Variants in CEP112 observed in about 807,000 individuals in gnomAD.
CEP112 encodes the protein centrosomal protein of 112 kDa.
Under a neutral mutation model 153.0 loss-of-function variants are expected in CEP112, and 127 were observed. That is an observed-to-expected ratio of 0.83 (90% CI 0.72 to 0.96). CEP112 has a LOEUF of 0.96. Among genes scored for constraint, CEP112 ranks in the 40% least tolerant of loss-of-function variants. The probability of loss-of-function intolerance (pLI) is 0.00; values close to 1 mark genes in which losing one functional copy is unlikely to be tolerated. For synonymous variants in CEP112, 358 were observed against 374.4 expected, an observed-to-expected ratio of 0.96 and a Z score of 0.51; for missense variants, 1,089 against 1,101.2, an observed-to-expected ratio of 0.99 and a Z score of 0.16.
chr17:65,987,057 AG>A (rs2063435246), intron 17 of CEP112, among the ~76,000 whole-genome samples: 2 of 152,208 alleles, frequency 1.3e-5, no homozygotes, highest in Admixed American at 1.3e-4. Flanking sequence ...TTGTAGAACC[AG>A]GGGAAAAGAA....
In CEP112 at chr17:65,834,570, CAT is replaced by C. The variant is rs754591041; in HGVS notation, c.2394+17232_2394+17233del. ...CAGACACTTCTTAAAAGAAGACACA[CAT>C]GTGGCAACAAGCATATGAAAAAAAG... is the stretch of plus-strand genomic sequence containing the variant. On this transcript the variant is annotated intron_variant, in intron 21 of 26. Transcript: ENST00000535342. Among the ~76,000 whole-genome samples, 7 of 152,192 alleles carry C rather than the reference CAT, an allele frequency of 4.6e-5. No individual in the cohort carries two copies. The East Asian group carries it at 5.8e-4, about 13-fold the overall frequency.
chr17:65,841,899 TACACACATAC>T (rs2057532874), intron 21 of CEP112, among the ~76,000 whole-genome samples: 1 of 129,504 alleles, frequency 7.7e-6, no homozygotes, highest in South Asian at 2.2e-4. Context: ...TGTGTGTGTG[TACACACATAC>T]ACACACACAC....
At chr17:65,861,224 T>C (rs1360079023) in intron 20 of CEP112, among the ~76,000 whole-genome samples, 3 of 152,174 alleles carry the variant, frequency 2.0e-5, no homozygotes, top group Non-Finnish European at 4.4e-5. Flanking sequence ...ACAGTGTAAA[T>C]AGGTGAATTG....
At chr17:66,177,125 C>G in intron 2 of CEP112, 105 bp from the exon 3 acceptor site, 1 of 892,644 alleles carries the variant, frequency 1.1e-6, no homozygotes, top group East Asian at 2.7e-5. Flanking sequence ...GAAGGACCAA[C>G]AAACCTTTTC....
At chr17:66,083,957 T>G (rs1008531782) in intron 8 of CEP112, among the ~76,000 whole-genome samples, 15 of 152,242 alleles carry the variant, frequency 9.9e-5, no homozygotes, top group African/African-American at 3.6e-4. Context: ...AAAATAAAAT[T>G]TTTAAATAGA....
At chr17:65,970,187 G>T (rs78429674) in intron 17 of CEP112, among the ~76,000 whole-genome samples, 7,717 of 135,516 alleles carry the variant, frequency 0.057, 226 homozygotes, top group South Asian at 0.12. Flanking sequence ...TGTATTACAT[G>T]CATATATGCT....
intron 21 of CEP112, among the ~76,000 whole-genome samples, chr17:65,850,731 T>C (rs1472825232): frequency 6.6e-6 from 1 of 152,170 alleles, no homozygotes; most frequent in Admixed American, 6.5e-5. Flanking sequence ...TACTCAGACC[T>C]ACGTGACCTG....
intron 21 of CEP112, among the ~76,000 whole-genome samples, chr17:65,800,381 A>G (rs1568032666): frequency 6.6e-6 from 1 of 151,970 alleles, no homozygotes; most frequent in East Asian, 1.9e-4. Context: ...TTGTGTCCAG[A>G]TTTTTTTTAT....
chr17:66,032,861 T>C (rs1351951446), intron 12 of CEP112, among the ~76,000 whole-genome samples: 2 of 152,160 alleles, frequency 1.3e-5, no homozygotes, highest in Non-Finnish European at 2.9e-5. Context: ...CAAATATAAT[T>C]ACAGGAATAG....
chr17:65,784,096 T>C lies in CEP112; in HGVS notation c.2395-33372A>G, dbSNP rs189260899. 3.8e-3 allele frequency among the ~76,000 whole-genome samples: 580 copies of C among 152,318 alleles called. 2 individuals carry two copies. The highest frequency in any genetic ancestry group is 0.012 in the Admixed American group (177 of 15,296). On this transcript the variant is annotated intron_variant, in intron 21 of 26. Transcript: ENST00000535342. Reference sequence around the variant, plus strand: ...AGAGAGTAGTGAGTCAGCACTGGAATGAAGACAAACACTAGGTTCTTTATG... The same window carrying C: ...AGAGAGTAGTGAGTCAGCACTGGAACGAAGACAAACACTAGGTTCTTTATG...
intron 20 of CEP112, among the ~76,000 whole-genome samples, chr17:65,853,672 G>A (rs901245063): frequency 2.0e-5 from 3 of 150,890 alleles, no homozygotes; most frequent in Non-Finnish European, 4.4e-5. Flanking sequence ...AGGTTGCAGT[G>A]AGCTGAAATT....
intron 16 of CEP112, among the ~76,000 whole-genome samples, chr17:66,008,362 A>AC (rs2064363835): frequency 6.6e-6 from 1 of 151,964 alleles, no homozygotes; most frequent in Non-Finnish European, 1.5e-5. Flanking sequence ...CCTGTCTAAA[A>AC]CTTTTATTTT....
At position 65,799,319 on chromosome 17, in the gene CEP112, T is replaced by C. The variant is rs2055122686; in HGVS notation, c.2395-48595A>G. On this transcript the variant is annotated intron_variant, in intron 21 of 26. Transcript: ENST00000535342. Reference sequence around the variant, plus strand: ...CAATGCTGGGATACGGAGCTGGGAATGTAAGCTGGCACCGGATCCTCTACC... The same window carrying C: ...CAATGCTGGGATACGGAGCTGGGAACGTAAGCTGGCACCGGATCCTCTACC... 2.0e-5 allele frequency among the ~76,000 whole-genome samples: 3 copies of C among 152,188 alleles called. No homozygotes were observed. In the South Asian group the frequency reaches 6.2e-4, roughly 32 times the overall value.
intron 8 of CEP112, among the ~76,000 whole-genome samples, chr17:66,083,972 AAAG>A (rs1260438958): frequency 6.6e-6 from 1 of 152,214 alleles, no homozygotes; most frequent in Non-Finnish European, 1.5e-5. Flanking sequence ...AATAGACAAA[AAAG>A]AGGTAATTTT....
At chr17:66,003,148 G>T (rs1484791254) in intron 17 of CEP112, among the ~76,000 whole-genome samples, 1 of 152,124 alleles carries the variant, frequency 6.6e-6, no homozygotes, top group Non-Finnish European at 1.5e-5. Flanking sequence ...AGATCATCCA[G>T]ACATTTAGCC....
intron 16 of CEP112, among the ~76,000 whole-genome samples, chr17:66,016,445 A>C (rs1001533730): frequency 6.6e-6 from 1 of 152,118 alleles, no homozygotes; most frequent in African/African-American, 2.4e-5. Context: ...ATACAGCTAA[A>C]ACCAATTCCC....
At chr17:65,878,711 T>C (rs1174352767) in intron 20 of CEP112, among the ~76,000 whole-genome samples, 2 of 151,134 alleles carry the variant, frequency 1.3e-5, no homozygotes, top group Non-Finnish European at 2.9e-5. Flanking sequence ...ACTATAAAGA[T>C]GGAGAAAACA....
intron 4 of CEP112, among the ~76,000 whole-genome samples, chr17:66,157,904 T>C (rs554971029): frequency 6.6e-6 from 1 of 152,214 alleles, no homozygotes; most frequent in South Asian, 2.1e-4. Flanking sequence ...TTTAGAGACC[T>C]ACAAAGAGAC....
At chr17:65,991,745 C>A (rs2063603453) in intron 17 of CEP112, among the ~76,000 whole-genome samples, 1 of 152,044 alleles carries the variant, frequency 6.6e-6, no homozygotes, top group Admixed American at 6.6e-5. Flanking sequence ...CTCCTTAATT[C>A]AATTTTTTTT....
Sources: gnomAD v4.1 joint callset for allele counts (sites outside exome capture counted in the v4.1 genomes callset) on GRCh38, gnomAD v4.1.1 for gene constraint, MANE v1.5 for transcripts, NCBI Gene and HGNC (gene_info 2026-07-23, HGNC 2026-07-21) for gene names.